The following FRMD5 variants were observed in gnomAD, a reference collection of about 807,000 sequenced individuals.
FRMD5 encodes the protein FERM domain containing 5, also known as FERM domain-containing protein 5.
FRMD5 carries 20 observed loss-of-function variants against 69.0 expected under a neutral mutation model. The ratio of observed to expected loss-of-function variants is 0.29; its 90% confidence interval spans 0.20 to 0.42. The LOEUF (loss-of-function observed/expected upper bound fraction) is 0.42, where lower values mean the gene tolerates loss of function less well. FRMD5 is among the 10% of genes least tolerant of loss of function. FRMD5 has a pLI of 1.00. For synonymous variants in FRMD5, 271 were observed against 260.1 expected (o/e 1.04, Z -0.40); for missense variants, 595 against 708.6 (o/e 0.84, Z 1.82).
chr15:43,908,020 G>A (rs2140414487), intron 5 of FRMD5, among the ~76,000 whole-genome samples: 1 of 152,196 alleles, frequency 6.6e-6, no homozygotes, highest in South Asian at 2.1e-4. Context: ...TTTTTTGAAG[G>A]AAAATGAATG....
chr15:44,035,538 T>G (rs1270645411), intron 1 of FRMD5, among the ~76,000 whole-genome samples: 1 of 152,212 alleles, frequency 6.6e-6, no homozygotes, highest in Non-Finnish European at 1.5e-5. Flanking sequence ...AGCATTCATT[T>G]GAAGGCATCA....
chr15:44,159,458 A>C (rs1433866200), intron 1 of FRMD5, among the ~76,000 whole-genome samples: 1 of 152,196 alleles, frequency 6.6e-6, no homozygotes, highest in African/African-American at 2.4e-5. Flanking sequence ...CAGATGAGAA[A>C]TTAAGGTCTA....
intron 1 of FRMD5, among the ~76,000 whole-genome samples, chr15:44,039,109 G>A (rs554237850): frequency 2.0e-5 from 3 of 152,334 alleles, no homozygotes; most frequent in African/African-American, 7.2e-5. Flanking sequence ...AGCTCAGCAA[G>A]GCTGCTGTGG....
intron 1 of FRMD5, among the ~76,000 whole-genome samples, chr15:44,036,774 T>C (rs1891932346): frequency 6.6e-6 from 1 of 152,226 alleles, no homozygotes. Flanking sequence ...TTTTTTGTTT[T>C]GTGCATCGGC....
At chr15:44,068,079 A>T (rs2140403845) in intron 1 of FRMD5, among the ~76,000 whole-genome samples, 1 of 152,326 alleles carries the variant, frequency 6.6e-6, no homozygotes, top group South Asian at 2.1e-4. Flanking sequence ...AAATGGACAT[A>T]ATAAAAAATA....
intron 1 of FRMD5, among the ~76,000 whole-genome samples, chr15:44,168,984 G>A (rs908431492): frequency 2.0e-5 from 3 of 152,040 alleles, no homozygotes; most frequent in Non-Finnish European, 4.4e-5. Flanking sequence ...CCTCCCCATC[G>A]CTTATTACTT....
At chr15:44,073,564 T>G (rs146722229) in intron 1 of FRMD5, among the ~76,000 whole-genome samples, 1 of 152,356 alleles carries the variant, frequency 6.6e-6, no homozygotes, top group African/African-American at 2.4e-5. Flanking sequence ...ATAGGAATCT[T>G]GATCCACTTC....
intron 1 of FRMD5, among the ~76,000 whole-genome samples, chr15:44,078,557 G>T (rs964368342): frequency 6.6e-6 from 1 of 152,024 alleles, no homozygotes; most frequent in African/African-American, 2.4e-5. Context: ...AAAACAGTGT[G>T]GTACTGTACT....
At chr15:43,918,171 A>T (rs2089427629) in intron 4 of FRMD5, among the ~76,000 whole-genome samples, 1 of 152,198 alleles carries the variant, frequency 6.6e-6, no homozygotes, top group Non-Finnish European at 1.5e-5. Context: ...CATGCCTGTA[A>T]TCCCAGCACT....
At chr15:44,197,499 T>C (rs982271016), upstream of FRMD5, among the ~76,000 whole-genome samples, 1 of 151,372 alleles carries the variant, frequency 6.6e-6, no homozygotes, top group Non-Finnish European at 1.5e-5. Flanking sequence ...CTGGCCATCA[T>C]GGTGAAACCC....
intron 1 of FRMD5, among the ~76,000 whole-genome samples, chr15:44,040,211 A>T (rs1421910068): frequency 6.6e-6 from 1 of 152,164 alleles, no homozygotes; most frequent in South Asian, 2.1e-4. Flanking sequence ...TGAAAGTAGC[A>T]GGGAGAATGG....
chr15:44,065,387 G>A (rs1470347431), intron 1 of FRMD5, among the ~76,000 whole-genome samples: 1 of 152,014 alleles, frequency 6.6e-6, no homozygotes, highest in East Asian at 1.9e-4. Flanking sequence ...GGGTAATGAA[G>A]GAAGGAAAAA....
chr15:44,165,407 G>C (rs915288481), intron 1 of FRMD5, among the ~76,000 whole-genome samples: 3 of 152,192 alleles, frequency 2.0e-5, no homozygotes, highest in Admixed American at 1.3e-4. Flanking sequence ...AGGCGACCGA[G>C]TGAGACTCCA....
chr15:44,060,349 G>C (rs146316803), intron 1 of FRMD5, among the ~76,000 whole-genome samples: 1 of 152,300 alleles, frequency 6.6e-6, no homozygotes, highest in East Asian at 1.9e-4. Context: ...AACCAAGGCA[G>C]TTCAAGGGCC....
intron 4 of FRMD5, among the ~76,000 whole-genome samples, chr15:43,915,082 T>G (rs1033023486): frequency 6.6e-6 from 1 of 152,166 alleles, no homozygotes. Flanking sequence ...TGCTTAGAGA[T>G]ACTGTTCTTG....
chr15:44,187,139 G>C (rs566054605), intron 1 of FRMD5, among the ~76,000 whole-genome samples: 3 of 152,238 alleles, frequency 2.0e-5, no homozygotes, highest in African/African-American at 7.2e-5. Flanking sequence ...TTTTTTGTCA[G>C]ATGATTAAAC....
intron 1 of FRMD5, among the ~76,000 whole-genome samples, chr15:44,061,922 C>A (rs1014812499): frequency 6.6e-5 from 10 of 152,264 alleles, no homozygotes; most frequent in African/African-American, 2.4e-4. Flanking sequence ...ATGAAGTGTA[C>A]AGGTACATGA....
At chr15:44,152,551 C>T (rs1459602428) in intron 1 of FRMD5, among the ~76,000 whole-genome samples, 1 of 152,182 alleles carries the variant, frequency 6.6e-6, no homozygotes, top group Non-Finnish European at 1.5e-5. Flanking sequence ...TCTTGAGTTA[C>T]CTCAGTAAAT....
chr15:44,183,379 T>A (rs1036068662), intron 1 of FRMD5, among the ~76,000 whole-genome samples: 2 of 152,070 alleles, frequency 1.3e-5, no homozygotes, highest in African/African-American at 4.8e-5. Context: ...TTGGGAAACA[T>A]GTGAAAGATG....
Sources: allele counts gnomAD v4.1 joint callset (sites outside exome capture counted in the v4.1 genomes callset), GRCh38; gene constraint gnomAD v4.1.1; transcripts MANE v1.5; gene names NCBI Gene and HGNC (gene_info 2026-07-23, HGNC 2026-07-21).